The following LMTK2 variants were observed in gnomAD, a reference collection of about 807,000 sequenced individuals.
LMTK2 encodes the protein lemur tail kinase 2.
In LMTK2, 37 loss-of-function variants were observed where a neutral mutation model predicts 127.5. That is an observed-to-expected ratio of 0.29 (90% confidence interval 0.22 to 0.38). The LOEUF is 0.38. LMTK2 is among the 10% of genes least tolerant of loss of function. The pLI, the probability that LMTK2 is intolerant of heterozygous loss-of-function variation, is 1.00. For missense variants in LMTK2, 1,694 were observed against 1,920.3 expected, an observed-to-expected ratio of 0.88 and a Z score of 2.20; for synonymous variants, 819 against 810.1, an observed-to-expected ratio of 1.01 and a Z score of -0.19.
chr7:98,159,788 C>T (rs772184615), intron 6 of LMTK2, among the ~76,000 whole-genome samples: 2 of 152,128 alleles, frequency 1.3e-5, no homozygotes, highest in African/African-American at 4.8e-5. Flanking sequence ...CTCCTAAGAG[C>T]GTGAACCAGG....
chr7:98,190,994 G>A, intron 10 of LMTK2, 117 bp downstream of exon 10: 1 of 984,876 alleles, frequency 1.0e-6, no homozygotes, highest in Non-Finnish European at 1.6e-6. Context: ...TCACCATGAT[G>A]TCACCATGAG....
rs1406756329 is a variant in LMTK2, at chr7:98,208,588, AC to A, written c.*3097del. The A allele has an allele frequency of 3.3e-5, 5 of 152,240 alleles. No individual in the cohort carries two copies. The highest frequency in any genetic ancestry group is 1.2e-4 in the African/African-American group (5 of 41,466). The allele number at this position is 152,240 out of a possible 1,614,324, so 9.4% of individuals were successfully genotyped here. A position where few individuals can be genotyped will look rare whatever the true frequency, so the allele number is the denominator to read the frequency against. On this transcript the variant is annotated 3_prime_UTR_variant, in exon 14 of 14. Coordinates refer to ENST00000297293, the MANE Select transcript of LMTK2 (RefSeq NM_014916.4). Reference sequence around the variant, plus strand: ...TTAGTCCTGTTTTGGTGGAGTTTGTACATTTTAAATCCTATAACAAAAATAA... The same window carrying A: ...TTAGTCCTGTTTTGGTGGAGTTTGTAATTTTAAATCCTATAACAAAAATAA...
intron 1 of LMTK2, among the ~76,000 whole-genome samples, chr7:98,109,786 CAT>C (rs1379495807): frequency 1.3e-5 from 2 of 149,090 alleles, no homozygotes; most frequent in Non-Finnish European, 3.0e-5. Flanking sequence ...CACAATCAGA[CAT>C]AGATATTCAG....
At chr7:98,157,464 C>T (rs1361180223) in intron 5 of LMTK2, among the ~76,000 whole-genome samples, 1 of 152,082 alleles carries the variant, frequency 6.6e-6, no homozygotes, top group African/African-American at 2.4e-5. Flanking sequence ...CCAGCAGTTG[C>T]ATCCCTTGCC....
In LMTK2 at chr7:98,151,367, T is replaced by G; in HGVS notation, c.377-15T>G. 6.3e-7 allele frequency: 1 copy of G among 1,579,606 alleles called. No homozygotes were observed. Among genetic ancestry groups the G allele is most frequent in the Non-Finnish European group, 8.7e-7 (1 of 1,151,200 alleles). On this transcript the variant is annotated splice_polypyrimidine_tract_variant and intron_variant, in intron 3 of 13. Transcript: ENST00000297293. ...AGATACTTATATTTCATTTTTAATG[T>G]TTTTTTCTCTACAGAGGGATTGAAG...
rs1796697601 is a variant in LMTK2, at chr7:98,141,426, A to C, written c.261A>C (p.Ile87=). The C allele has an allele frequency of 2.5e-6, 4 of 1,613,852 alleles. No homozygotes were observed. In the African/African-American group the frequency reaches 5.3e-5, roughly 22 times the overall value. Residue 87 remains isoleucine, a synonymous_variant, in exon 3 of 14, where the codon ATA becomes ATC. Coordinates refer to ENST00000297293, the MANE Select transcript of LMTK2 (RefSeq NM_014916.4). ...KEFEDNFDDE[I]DFTPPAEDTP... The stretch of plus-strand genomic sequence containing the variant: ...TTGAAGATAATTTTGATGATGAGAT[A>C]GATTTCACACCACCAGCAGAAGACA...
rs1796921613 is a variant in LMTK2, at chr7:98,156,109, T to G, written c.569+1233T>G. Among the ~76,000 whole-genome samples the G allele has an allele frequency of 1.3e-5, 2 of 152,094 alleles. 1 individual carries two copies. Among genetic ancestry groups the G allele is most frequent in the South Asian group, 4.1e-4 (2 of 4,826 alleles). ...ATAACATGGATAGCAAATAAGCACA[T>G]GAAAAGACGTTCAGTGTCATGAGCT... is the stretch of plus-strand genomic sequence containing the variant. On this transcript the variant is annotated intron_variant, in intron 5 of 13. Transcript: ENST00000297293.
At chr7:98,112,964 C>T (rs1796224434) in intron 1 of LMTK2, among the ~76,000 whole-genome samples, 1 of 152,190 alleles carries the variant, frequency 6.6e-6, no homozygotes, top group Non-Finnish European at 1.5e-5. Flanking sequence ...TCAAGCAATC[C>T]TCCTGCCTCA....
At position 98,205,580 on chromosome 7, in the gene LMTK2, G is replaced by T; in HGVS notation, c.*88G>T. The T allele has an allele frequency of 3.7e-6, 5 of 1,352,746 alleles. No individual in the cohort carries two copies. In the South Asian group the frequency reaches 6.0e-5, roughly 16 times the overall value. 83.8% of individuals were successfully genotyped at this position (1,352,746 alleles called of 1,614,324 possible). ...TCAGCCCGAGCAGCGACATCCACTCGCCATTTGCTGACATGAGATTGGGAG... is the reference window on the plus strand; with the variant it reads ...TCAGCCCGAGCAGCGACATCCACTCTCCATTTGCTGACATGAGATTGGGAG... On this transcript the variant is annotated 3_prime_UTR_variant, in exon 14 of 14. Coordinates refer to ENST00000297293, the MANE Select transcript of LMTK2 (RefSeq NM_014916.4).
chr7:98,118,051 T>C (rs963189046), intron 1 of LMTK2, among the ~76,000 whole-genome samples: 1 of 152,192 alleles, frequency 6.6e-6, no homozygotes, highest in Non-Finnish European at 1.5e-5. Flanking sequence ...TTTTTGATCC[T>C]CTGCTTCCTG....
intron 7 of LMTK2, among the ~76,000 whole-genome samples, chr7:98,176,195 A>G (rs1025218222): frequency 1.3e-5 from 2 of 152,246 alleles, no homozygotes; most frequent in African/African-American, 4.8e-5. Context: ...CATTATAGCA[A>G]TAGATTGCAG....
In LMTK2 at chr7:98,171,555, G is replaced by GT. The variant is rs1422795458; in HGVS notation, c.673dup (p.Tyr225LeufsTer41). 2 of 1,613,946 alleles carry GT rather than the reference G, an allele frequency of 1.2e-6. No individual in the cohort carries two copies. The highest frequency in any genetic ancestry group is 1.7e-6 in the Non-Finnish European group (2 of 1,180,050). ...GACTTTTGCAGGGTGACCTGAAGGC[G>GT]TATCTGCGCAGCGAGCAGGAGCACA... On this transcript the variant is annotated frameshift_variant, in exon 7 of 14. Transcript: ENST00000297293. LOFTEE classifies it high-confidence loss of function. This position sits in a 1 kb window ranked among gnomAD's most constrained non-coding sequence, Gnocchi z 5.1.
intron 4 of LMTK2, 30 bp from the exon 5 acceptor site, chr7:98,154,728 A>G: frequency 1.4e-6 from 2 of 1,399,252 alleles, no homozygotes; most frequent in Middle Eastern, 1.8e-4. Context: ...TTTGATGGAA[A>G]TGACACAAAA....
chr7:98,184,604 A>T (rs901219922), intron 7 of LMTK2, among the ~76,000 whole-genome samples: 1 of 152,116 alleles, frequency 6.6e-6, no homozygotes, highest in African/African-American at 2.4e-5. Context: ...TTGATGTCTT[A>T]TGTCTTCCTA....
intron 3 of LMTK2, among the ~76,000 whole-genome samples, chr7:98,142,795 C>A (rs1286524875): frequency 6.6e-6 from 1 of 152,204 alleles, no homozygotes; most frequent in Non-Finnish European, 1.5e-5. Flanking sequence ...GGAACATCAT[C>A]AGCATTTTAA....
At chr7:98,178,376 TC>T (rs34237098) in intron 7 of LMTK2, among the ~76,000 whole-genome samples, 1 of 152,182 alleles carries the variant, frequency 6.6e-6, no homozygotes, top group Non-Finnish European at 1.5e-5. Flanking sequence ...CAGTGGTACT[TC>T]CTTGTGAATC....
chr7:98,151,762 G>C (rs1796859835), intron 4 of LMTK2, among the ~76,000 whole-genome samples: 1 of 152,200 alleles, frequency 6.6e-6, no homozygotes, highest in Non-Finnish European at 1.5e-5. Flanking sequence ...CCAAGATCAA[G>C]GTGCTGGCTG....
At chr7:98,150,743 A>G (rs1171941648) in intron 3 of LMTK2, among the ~76,000 whole-genome samples, 1 of 152,264 alleles carries the variant, frequency 6.6e-6, no homozygotes, top group African/African-American at 2.4e-5. Context: ...TATGTAAGCC[A>G]TACCATCGAA....
chr7:98,179,896 C>G (rs1797329846), intron 7 of LMTK2, among the ~76,000 whole-genome samples: 1 of 152,202 alleles, frequency 6.6e-6, no homozygotes, highest in Non-Finnish European at 1.5e-5. Flanking sequence ...CTCCAAGTGT[C>G]ACTGCATCAT....
Sources: gnomAD v4.1 joint callset for allele counts (sites outside exome capture counted in the v4.1 genomes callset) on GRCh38, gnomAD v4.1.1 for gene constraint, Gnocchi (gnomAD v3.1) non-coding constraint, MANE v1.5 for transcripts, NCBI Gene and HGNC (gene_info 2026-07-23, HGNC 2026-07-21) for gene names.